KLRG2: variants seen among roughly 807,000 people sequenced by gnomAD.
KLRG2 encodes killer cell lectin like receptor G2.
In KLRG2, 39 loss-of-function variants were observed where a neutral mutation model predicts 35.4. The observed-to-expected ratio is 1.10, with a 90% confidence interval of 0.85 to 1.44. The LOEUF (loss-of-function observed/expected upper bound fraction) is 1.44. Ranked by LOEUF, KLRG2 falls within the 40% of genes most tolerant of loss-of-function variation. The pLI is 0.00. For missense variants in KLRG2, 632 were observed against 570.9 expected (o/e 1.11, Z -1.09); for synonymous variants, 283 against 265.8 (o/e 1.06, Z -0.63).
the KLRG2 span, among the ~76,000 whole-genome samples, chr7:139,436,310 C>G: frequency 9.0e-4 from 137 of 152,186 alleles, 1 homozygote; most frequent in East Asian, 0.018. Context: ...GCTGCTGTTC[C>G]GTCTGCCCTT....
At chr7:139,436,272 A>T in the KLRG2 span, among the ~76,000 whole-genome samples, 1 of 152,044 alleles carries the variant, frequency 6.6e-6, no homozygotes, top group African/African-American at 2.4e-5. Context: ...ATTAAATGGA[A>T]ATAAAAACGC....
chr7:139,477,595 G>T (rs1796873249), intron 3 of KLRG2, among the ~76,000 whole-genome samples: 1 of 152,096 alleles, frequency 6.6e-6, no homozygotes, highest in Non-Finnish European at 1.5e-5. Context: ...GGGGAAATGG[G>T]GAATCAGTGT....
rs1339039307 is a variant in KLRG2, at chr7:139,483,536, G to A, written c.107C>T (p.Ala36Val). ...GGGACCTTCAGGTTGTCGCACCTTC[G>A]CGGGCACCTGCGGCTGCTCCAGCGT... ...VPTLEQPQVP[A>V]KVRQPEGPES... Residue 36 changes from alanine (A) to valine (V), a missense_variant, in exon 1 of 5, where the codon GCG becomes GTG. By Grantham distance (64) the Ala-to-Val change is moderately conservative. Transcript: ENST00000340940. 6.3e-7 allele frequency: 1 copy of A among 1,598,314 alleles called. No homozygotes were observed. Among genetic ancestry groups the A allele is most frequent in the Non-Finnish European group, 8.5e-7 (1 of 1,178,686 alleles).
At chr7:139,453,799 C>T in intron 4 of KLRG2, 92 bp from the exon 5 acceptor site, 1 of 1,474,108 alleles carries the variant, frequency 6.8e-7, no homozygotes, top group Admixed American at 1.9e-5. Context: ...TGCCTGTCAC[C>T]TCTACCGGCC....
chr7:139,427,645 A>G, the KLRG2 span, among the ~76,000 whole-genome samples: 2 of 152,188 alleles, frequency 1.3e-5, no homozygotes, highest in South Asian at 2.1e-4. Context: ...TGCCAGCTCC[A>G]TATCTTGGAC....
intron 3 of KLRG2, among the ~76,000 whole-genome samples, chr7:139,459,803 G>A (rs545606307): frequency 1.6e-4 from 24 of 151,958 alleles, no homozygotes; most frequent in African/African-American, 5.6e-4. Context: ...CCAGGCTGGA[G>A]TGCAGTGGTG....
chr7:139,440,882 T>G, the KLRG2 span, among the ~76,000 whole-genome samples: 3 of 152,244 alleles, frequency 2.0e-5, no homozygotes, highest in African/African-American at 7.2e-5. Context: ...TTTATTTATA[T>G]GACCCTCATC....
intron 3 of KLRG2, among the ~76,000 whole-genome samples, chr7:139,475,847 A>G (rs1796841070): frequency 6.6e-6 from 1 of 152,048 alleles, no homozygotes; most frequent in South Asian, 2.1e-4. Flanking sequence ...AGCCTTAGGG[A>G]CTGAACCCTC....
At chr7:139,446,363 AG>A in the KLRG2 span, among the ~76,000 whole-genome samples, 1 of 110,506 alleles carries the variant, frequency 9.0e-6, no homozygotes, top group East Asian at 2.5e-4. Flanking sequence ...TTTTTTTTTA[AG>A]AGAGAGTCTC....
chr7:139,455,105 G>A (rs1034284012), intron 3 of KLRG2, among the ~76,000 whole-genome samples: 22 of 150,578 alleles, frequency 1.5e-4, no homozygotes, highest in South Asian at 1.0e-3. Flanking sequence ...TGCAGCCTCC[G>A]CCTCTCAGGT....
intron 3 of KLRG2, among the ~76,000 whole-genome samples, chr7:139,473,527 A>G (rs139674489): frequency 6.6e-6 from 1 of 152,298 alleles, no homozygotes; most frequent in East Asian, 1.9e-4. Flanking sequence ...TTTACTCTCA[A>G]TGACAGCAGC....
chr7:139,467,782 T>C (rs917764451), intron 3 of KLRG2, among the ~76,000 whole-genome samples: 4 of 151,402 alleles, frequency 2.6e-5, no homozygotes, highest in African/African-American at 7.3e-5. Context: ...TATGGCCTCA[T>C]GGGAAGGGAA....
chr7:139,450,522 C>A (rs1796361607), downstream of KLRG2, among the ~76,000 whole-genome samples: 1 of 152,158 alleles, frequency 6.6e-6, no homozygotes, highest in African/African-American at 2.4e-5. Flanking sequence ...TGCGCCTAGC[C>A]ATATTAACAA....
Position 139,452,980 on chromosome 7 carries a change from C to G in KLRG2, c.*607G>C, listed in dbSNP as rs1210761248. On this transcript the variant is annotated 3_prime_UTR_variant, in exon 5 of 5. Transcript: ENST00000340940. ...GCCAGCCCACATGCGGGATCTCCAC[C>G]CAGAACCTTCCTGTCTGCCAACCCT... 1 of 153,396 alleles carries G rather than the reference C, an allele frequency of 6.5e-6. No individual in the cohort carries two copies. The highest frequency in any genetic ancestry group is 2.4e-5 in the African/African-American group (1 of 41,482). The allele number at this position is 153,396 out of a possible 1,614,324, so 9.5% of individuals were successfully genotyped here. A position where few individuals can be genotyped will look rare whatever the true frequency, so the allele number is the denominator to read the frequency against.
rs779238981 is a variant in KLRG2, at chr7:139,483,183, GCACCT to G, written c.455_459del (p.Lys152ThrfsTer220). On this transcript the variant is annotated frameshift_variant, in exon 1 of 5. Coordinates refer to ENST00000340940, the MANE Select transcript of KLRG2 (RefSeq NM_198508.4). LOFTEE classifies it high-confidence loss of function. ...GAGAAGGCAGGGGACTCGGGCACCG[GCACCT>G]TGAGGAAGCGCGTGGAGGGCCTGGG... 4.0e-6 allele frequency: 6 copies of G among 1,508,390 alleles called. No individual in the cohort carries two copies. In the South Asian group the frequency reaches 7.5e-5, roughly 19 times the overall value. 93.4% of individuals were successfully genotyped at this position (1,508,390 alleles called of 1,614,324 possible).
the KLRG2 span, among the ~76,000 whole-genome samples, chr7:139,447,563 G>A: frequency 6.6e-5 from 10 of 151,878 alleles, no homozygotes; most frequent in African/African-American, 2.4e-4. Context: ...ACCACACACT[G>A]CTAATTTTTG....
intron 3 of KLRG2, 87 bp from the exon 4 acceptor site, chr7:139,454,301 T>C: frequency 1.4e-6 from 1 of 704,008 alleles, no homozygotes. Context: ...TTCCACAGGA[T>C]CCCAGCTGGC....
intron 1 of KLRG2, among the ~76,000 whole-genome samples, chr7:139,481,342 C>T (rs1198644577): frequency 6.6e-6 from 1 of 152,208 alleles, no homozygotes; most frequent in African/African-American, 2.4e-5. Flanking sequence ...TTTGTTACAA[C>T]AGCAATAGAA....
chr7:139,438,920 T>TCCCC, the KLRG2 span, among the ~76,000 whole-genome samples: 1 of 63,036 alleles, frequency 1.6e-5, no homozygotes, highest in African/African-American at 4.8e-5. Flanking sequence ...GATGATCCCC[T>TCCCC]CCCCCCCCCC....
Sources: allele counts gnomAD v4.1 joint callset (sites outside exome capture counted in the v4.1 genomes callset), GRCh38; gene constraint gnomAD v4.1.1; transcripts MANE v1.5; gene names NCBI Gene and HGNC (gene_info 2026-07-23, HGNC 2026-07-21).